Variants in PPM1F observed in about 807,000 individuals in gnomAD.
PPM1F encodes protein phosphatase 1F.
In PPM1F, 17 loss-of-function variants were observed where a neutral mutation model predicts 35.5. The observed-to-expected ratio is 0.48, with a 90% CI of 0.33 to 0.72. The LOEUF is 0.72. PPM1F is among the 30% of genes least tolerant of loss of function. The probability of loss-of-function intolerance (pLI) is 0.02; values close to 1 mark genes in which losing one functional copy is unlikely to be tolerated. For missense variants in PPM1F, 521 were observed against 613.0 expected (o/e 0.85, Z 1.59); for synonymous variants, 241 against 255.5 (o/e 0.94, Z 0.54).
rs2070430235 is a variant in PPM1F at position 21,920,114 on chromosome 22, ATTC to A, written c.*2975_*2977del. 6.6e-6 allele frequency: 1 copy of A among 152,230 alleles called. No homozygotes were observed. Among genetic ancestry groups the A allele is most frequent in the African/African-American group, 2.4e-5 (1 of 41,444 alleles). The allele number at this position is 152,230 out of a possible 1,614,324, so 9.4% of individuals were successfully genotyped here. ...ATACGGTGCTGGCATGTGGAGCTCC[ATTC>A]TTCTCCAGCCCACTTAATTTTAAGA... is the stretch of plus-strand genomic sequence containing the variant. On this transcript the variant is annotated 3_prime_UTR_variant, in exon 8 of 8. Coordinates refer to ENST00000263212, the MANE Select transcript of PPM1F (RefSeq NM_014634.4).
At chr22:21,928,290 C>T (rs1259384115) in intron 6 of PPM1F, among the ~76,000 whole-genome samples, 1 of 152,126 alleles carries the variant, frequency 6.6e-6, no homozygotes, top group Non-Finnish European at 1.5e-5. Context: ...CCTGGATGCC[C>T]AAGGCCCTCT....
At position 21,932,472 on chromosome 22, in the gene PPM1F, C is replaced by T. The variant is rs192092709; in HGVS notation, c.747+919G>A. Among the ~76,000 whole-genome samples, 395 of 152,236 alleles carry T rather than the reference C, an allele frequency of 2.6e-3. 2 individuals carry two copies. Among genetic ancestry groups the T allele is most frequent in the Non-Finnish European group, 3.4e-3 (233 of 68,008 alleles). On this transcript the variant is annotated intron_variant, in intron 5 of 7. Transcript: ENST00000263212. Reference sequence around the variant, plus strand: ...TTTCCATGAAGGTCTGTGCTCAGAGCGTGTGACAAAAGTGCACCTTTCCCC... The same window carrying T: ...TTTCCATGAAGGTCTGTGCTCAGAGTGTGTGACAAAAGTGCACCTTTCCCC...
intron 3 of PPM1F, 88 bp from the exon 4 acceptor site, chr22:21,934,314 C>T: frequency 1.8e-6 from 2 of 1,123,594 alleles, no homozygotes; most frequent in Non-Finnish European, 2.5e-6. Flanking sequence ...CCACAGGGGC[C>T]TGCAAAGCCC....
At position 21,922,020 on chromosome 22, in the gene PPM1F, CG is replaced by C. The variant is rs1287160525; in HGVS notation, c.*1071del. On this transcript the variant is annotated 3_prime_UTR_variant, in exon 8 of 8. Transcript: ENST00000263212. ...GGGGGTGTTCAGCATCACAAAGAGGCGGAAAACTCTTCCAGAAAGATCTCAC... is the reference window on the plus strand; with the variant it reads ...GGGGGTGTTCAGCATCACAAAGAGGCGAAAACTCTTCCAGAAAGATCTCAC... 1.3e-5 allele frequency: 2 copies of C among 152,294 alleles called. No individual in the cohort carries two copies. Among genetic ancestry groups the C allele is most frequent in the African/African-American group, 4.8e-5 (2 of 41,442 alleles). The allele number at this position is 152,294 out of a possible 1,614,324, so 9.4% of individuals were successfully genotyped here.
intron 3 of PPM1F, chr22:21,938,121 C>T (rs1601786991): frequency 7.7e-7 from 1 of 1,300,030 alleles, no homozygotes; most frequent in East Asian, 5.6e-5. Flanking sequence ...TTCCTTCTAG[C>T]TGCGCCCTCC....
intron 3 of PPM1F, chr22:21,938,214 C>T (rs1221932066): frequency 4.6e-6 from 6 of 1,302,922 alleles, no homozygotes; most frequent in Admixed American, 4.6e-5. Flanking sequence ...CGGCAGGTGG[C>T]GCTGTCTCCC....
intron 1 of PPM1F, chr22:21,950,626 GTTT>G (rs1217799206): frequency 2.0e-5 from 3 of 151,208 alleles, no homozygotes; most frequent in Admixed American, 1.3e-4. Flanking sequence ...GTTTTTTTTT[GTTT>G]TTGTTTTTTT....
chr22:21,951,660 T>C (rs1373883268), intron 1 of PPM1F: 1 of 152,168 alleles, frequency 6.6e-6, no homozygotes, highest in East Asian at 1.9e-4. Context: ...AGGGGGTATC[T>C]TAAAGGAATT....
chr22:21,924,234 G>A lies in PPM1F; in HGVS notation c.986-763C>T, dbSNP rs923953807. 2.6e-5 allele frequency among the ~76,000 whole-genome samples: 4 copies of A among 151,576 alleles called. No homozygotes were observed. The East Asian group carries it at 7.7e-4, about 29-fold the overall frequency. ...CACAGCCTGAGACCCGGCACTGACC[G>A]CATGCTGAGACAATGAGATGCAGGC... On this transcript the variant is annotated intron_variant, in intron 7 of 7. Coordinates refer to ENST00000263212, the MANE Select transcript of PPM1F (RefSeq NM_014634.4).
At position 21,945,926 on chromosome 22, in the gene PPM1F, T is replaced by C. The variant is rs1249606669; in HGVS notation, c.123A>G (p.Pro41=). The change falls in exon 2 of 8, where the codon CCA becomes CCG. Residue 41 remains proline, a synonymous_variant. Transcript: ENST00000263212. ...TGAGCACCGTCCCTGGGGCCTTCCA[T>C]GGCAGAGGGTCCTCTGGGTTCAGCA... The part of the protein sequence containing the change: ...PALLNPEDPL[P]WKAPGTVLSQ... 1 of 1,612,900 alleles carries C rather than the reference T, an allele frequency of 6.2e-7. No individual in the cohort carries two copies. Among genetic ancestry groups the C allele is most frequent in the Admixed American group, 1.7e-5 (1 of 59,888 alleles).
chr22:21,929,873 C>T (rs1303777409), intron 6 of PPM1F, among the ~76,000 whole-genome samples: 5 of 152,102 alleles, frequency 3.3e-5, no homozygotes, highest in Admixed American at 3.3e-4. Flanking sequence ...GTCCTGGTGT[C>T]TCTATGTGCT....
intron 1 of PPM1F, 117 bp from the exon 2 acceptor site, chr22:21,946,225 G>T (rs2070776319): frequency 2.0e-6 from 1 of 497,450 alleles, no homozygotes; most frequent in Non-Finnish European, 3.5e-6. Flanking sequence ...GCCACTAGAG[G>T]GTGGAGGGAC....
intron 1 of PPM1F, chr22:21,949,900 G>C (rs1180144215): frequency 6.6e-6 from 1 of 152,328 alleles, no homozygotes; most frequent in Non-Finnish European, 1.5e-5. Context: ...AAACTCATCG[G>C]GGGGCAGCTG....
chr22:21,936,229 G>T (rs2070657115), intron 3 of PPM1F: 1 of 151,776 alleles, frequency 6.6e-6, no homozygotes, highest in Non-Finnish European at 1.5e-5. Context: ...AAATGCTTCT[G>T]TCATGATACT....
intron 2 of PPM1F, 98 bp downstream of exon 2, chr22:21,945,745 T>C: frequency 1.6e-6 from 2 of 1,272,352 alleles, no homozygotes; most frequent in Non-Finnish European, 2.2e-6. Context: ...CAGATCCCCG[T>C]GTGGGGCTGG....
chr22:21,931,329 T>C (rs1195339253), intron 5 of PPM1F, 38 bp from the exon 6 acceptor site: 17 of 1,568,042 alleles, frequency 1.1e-5, no homozygotes, highest in East Asian at 4.5e-5. Context: ...TGAGAGGAGG[T>C]AGGGAAGGGC....
rs376110712 is a variant in PPM1F, at chr22:21,931,311, A to G, written c.748-20T>C. ...CAGCCGCTGCAGGGAGAGAGGGCCC[A>G]TGAGAGTTGAGAGGAGGTAGGGAAG... On this transcript the variant is annotated intron_variant, in intron 5 of 7. Transcript: ENST00000263212. 5 of 1,607,686 alleles carry G rather than the reference A, an allele frequency of 3.1e-6. No homozygotes were observed. The Admixed American group carries it at 5.0e-5, about 16-fold the overall frequency.
At chr22:21,927,937 G>GTTTTTTTTTTTTTTTTTTTTTTTTTTTTT (rs1392008034) in intron 6 of PPM1F, among the ~76,000 whole-genome samples, 2 of 68,106 alleles carry the variant, frequency 2.9e-5, no homozygotes, top group African/African-American at 6.5e-5. Flanking sequence ...TCTGTTTTTT[G>GTTTTTTTTTTTTTTTTTTTTTTTTTTTTT]TTTTGTTTTT....
chr22:21,940,226 G>A (rs2070709881), intron 2 of PPM1F, among the ~76,000 whole-genome samples: 1 of 152,194 alleles, frequency 6.6e-6, no homozygotes, highest in Non-Finnish European at 1.5e-5. Flanking sequence ...TGTAATCCCA[G>A]TACTTTGGGA....
Sources: allele counts gnomAD v4.1 joint callset (sites outside exome capture counted in the v4.1 genomes callset), GRCh38; gene constraint gnomAD v4.1.1; transcripts MANE v1.5; gene names NCBI Gene and HGNC (gene_info 2026-07-23, HGNC 2026-07-21).